The following REV3L variants were observed in gnomAD, a reference collection of about 807,000 sequenced individuals.
REV3L encodes DNA polymerase zeta catalytic subunit.
Under a neutral mutation model 299.4 loss-of-function variants are expected in REV3L, and 69 were observed. The ratio of observed to expected loss-of-function variants is 0.23; its 90% CI spans 0.19 to 0.28. REV3L has a LOEUF of 0.28. Among genes scored for constraint, REV3L ranks in the 10% least tolerant of loss-of-function variants. The pLI is 1.00. For synonymous variants in REV3L, 1,238 were observed against 1,271.4 expected, an observed-to-expected ratio of 0.97 and a Z score of 0.56; for missense variants, 3,128 against 3,693.8, an observed-to-expected ratio of 0.85 and a Z score of 3.97.
intron 1 of REV3L, among the ~76,000 whole-genome samples, chr6:111,447,633 G>A: frequency 6.6e-6 from 1 of 152,102 alleles, no homozygotes. Flanking sequence ...AACCTTTGGT[G>A]CAACTACCTC....
At chr6:111,421,814 G>A (rs1285993870) in intron 1 of REV3L, among the ~76,000 whole-genome samples, 1 of 152,006 alleles carries the variant, frequency 6.6e-6, no homozygotes, top group Non-Finnish European at 1.5e-5. Context: ...GAACATTTAC[G>A]TTTACAAAAA....
At chr6:111,324,433 G>A (rs1032562506) in intron 25 of REV3L, among the ~76,000 whole-genome samples, 1 of 152,318 alleles carries the variant, frequency 6.6e-6, no homozygotes, top group African/African-American at 2.4e-5. Flanking sequence ...AAAATGTTCT[G>A]TTACCTACTG....
At chr6:111,338,484 T>G (rs187230332) in intron 21 of REV3L, among the ~76,000 whole-genome samples, 8 of 151,624 alleles carry the variant, frequency 5.3e-5, no homozygotes, top group African/African-American at 1.9e-4. Context: ...TGATAATTGT[T>G]CATGTCTTTT....
intron 1 of REV3L, chr6:111,431,530 C>T (rs527542690): frequency 2.4e-6 from 2 of 838,060 alleles, no homozygotes; most frequent in African/African-American, 1.7e-5. Context: ...CAACACCAGA[C>T]CCCCTCCCAA....
At position 111,429,756 on chromosome 6, in the gene REV3L, C is replaced by A. The variant is rs17510527; in HGVS notation, c.140-13284G>T. On this transcript the variant is annotated intron_variant, in intron 1 of 31. Coordinates refer to ENST00000368802, the MANE Select transcript of REV3L (RefSeq NM_001372078.1). Reference sequence around the variant, plus strand: ...CGCCCTCGGCTCGCCTGGCCCAGACCGGAAGCAGCGCCGCACTGCCTGGGC... The same window carrying A: ...CGCCCTCGGCTCGCCTGGCCCAGACAGGAAGCAGCGCCGCACTGCCTGGGC... Among the ~76,000 whole-genome samples, 377 of 152,236 alleles carry A rather than the reference C, an allele frequency of 2.5e-3. 1 individual carries two copies. The highest frequency in any genetic ancestry group is 4.3e-3 in the Admixed American group (66 of 15,308).
At chr6:111,461,227 T>G (rs1345909412) in intron 1 of REV3L, among the ~76,000 whole-genome samples, 1 of 152,010 alleles carries the variant, frequency 6.6e-6, no homozygotes, top group Non-Finnish European at 1.5e-5. Context: ...AGACAAGATG[T>G]GGAAGTGGAA....
At chr6:111,318,190 C>T (rs1290954391) in intron 26 of REV3L, among the ~76,000 whole-genome samples, 1 of 151,952 alleles carries the variant, frequency 6.6e-6, no homozygotes, top group African/African-American at 2.4e-5. Context: ...TGAGTTCACG[C>T]CATTCTCCTG....
intron 1 of REV3L, 115 bp from the exon 2 acceptor site, chr6:111,416,587 T>G (rs1784788988): frequency 1.2e-6 from 1 of 802,902 alleles, no homozygotes; most frequent in African/African-American, 1.7e-5. Context: ...AAGGGAAGAG[T>G]TGAAAAAAAT....
chr6:111,416,675 T>C (rs190883981), intron 1 of REV3L, among the ~76,000 whole-genome samples: 10 of 152,348 alleles, frequency 6.6e-5, no homozygotes, highest in East Asian at 1.9e-4. Flanking sequence ...AACACAAGCA[T>C]TGTATAACAG....
At chr6:111,352,423 A>G (rs1777666813) in intron 18 of REV3L, among the ~76,000 whole-genome samples, 1 of 152,204 alleles carries the variant, frequency 6.6e-6, no homozygotes, top group Non-Finnish European at 1.5e-5. Context: ...GAGTGAAGGT[A>G]CAAGTGAGAA....
At chr6:111,348,619 G>GA (rs1487624146) in intron 20 of REV3L, among the ~76,000 whole-genome samples, 3 of 152,156 alleles carry the variant, frequency 2.0e-5, no homozygotes, top group Non-Finnish European at 2.9e-5. Context: ...AAAATACGGT[G>GA]AAATTAGACA....
Position 111,388,008 on chromosome 6 carries a change from A to C in REV3L, c.940T>G (p.Phe314Val). 4 of 1,611,708 alleles carry C rather than the reference A, an allele frequency of 2.5e-6. No homozygotes were observed. Among genetic ancestry groups the C allele is most frequent in the Non-Finnish European group, 3.4e-6 (4 of 1,178,382 alleles). Residue 314 changes from phenylalanine (F) to valine (V), a missense_variant, in exon 8 of 32, where the codon TTC becomes GTC. By Grantham distance (50) the Phe-to-Val change is conservative (BLOSUM62 -1). This residue lies in a region of REV3L where 2,409 missense variants were observed against 2,611.8 expected (regional missense o/e 0.92). Coordinates refer to ENST00000368802, the MANE Select transcript of REV3L (RefSeq NM_001372078.1). ...RLQEILKQND[F>V]SVTLSGSVDY... Reference sequence around the variant, plus strand: ...TAATAAATAACCACTTACACAGAGAAATCATTCTGTTTGAGAATTTCCTGA... The same window carrying C: ...TAATAAATAACCACTTACACAGAGACATCATTCTGTTTGAGAATTTCCTGA...
intron 21 of REV3L, among the ~76,000 whole-genome samples, chr6:111,341,038 G>GTTTTT (rs1562148667): frequency 3.9e-5 from 3 of 76,462 alleles, no homozygotes; most frequent in Non-Finnish European, 1.1e-4. Flanking sequence ...TTTCTCCTCA[G>GTTTTT]CTTTTTTTTT....
intron 4 of REV3L, among the ~76,000 whole-genome samples, chr6:111,404,987 A>C (rs923142342): frequency 1.3e-5 from 2 of 152,162 alleles, no homozygotes; most frequent in African/African-American, 2.4e-5. Flanking sequence ...ACCTACAGCT[A>C]TTCACACCAT....
At chr6:111,446,732 A>ACAAC (rs1232442154) in intron 1 of REV3L, among the ~76,000 whole-genome samples, 2 of 146,974 alleles carry the variant, frequency 1.4e-5, no homozygotes, top group East Asian at 2.1e-4. Context: ...AAACAAACAA[A>ACAAC]CAACTCCCAA....
At chr6:111,424,901 A>G (rs1785984105) in intron 1 of REV3L, among the ~76,000 whole-genome samples, 2 of 152,240 alleles carry the variant, frequency 1.3e-5, no homozygotes, top group South Asian at 2.1e-4. Context: ...CAAAAAATTC[A>G]AAAGTACAAA....
intron 4 of REV3L, among the ~76,000 whole-genome samples, chr6:111,401,312 T>TTTTC (rs1313786101): frequency 2.0e-5 from 3 of 152,206 alleles, no homozygotes; most frequent in Non-Finnish European, 4.4e-5. Flanking sequence ...TCTGTCCTGC[T>TTTTC]TTTCTTCTAT....
intron 3 of REV3L, among the ~76,000 whole-genome samples, chr6:111,407,918 A>C (rs1440361247): frequency 6.6e-6 from 1 of 152,214 alleles, no homozygotes; most frequent in African/African-American, 2.4e-5. Flanking sequence ...CCTGAGCAAC[A>C]GGGCAAGATT....
intron 1 of REV3L, among the ~76,000 whole-genome samples, chr6:111,417,250 C>A (rs913160507): frequency 6.6e-6 from 1 of 152,058 alleles, no homozygotes; most frequent in Non-Finnish European, 1.5e-5. Flanking sequence ...TGAGTGAGAA[C>A]CCACAAAAGA....
Sources: allele counts gnomAD v4.1 joint callset (sites outside exome capture counted in the v4.1 genomes callset), GRCh38; gene constraint gnomAD v4.1.1; regional missense constraint gnomAD v4.1.1; transcripts MANE v1.5; gene names NCBI Gene and HGNC (gene_info 2026-07-23, HGNC 2026-07-21).